The following CHRNA7 variants were observed in gnomAD, a reference collection of about 807,000 sequenced individuals.
CHRNA7 encodes cholinergic receptor nicotinic alpha 7 subunit.
Under a neutral mutation model 48.0 loss-of-function variants are expected in CHRNA7, and 17 were observed. That is an observed-to-expected ratio of 0.35 (90% CI 0.24 to 0.53). CHRNA7 has a LOEUF of 0.53. CHRNA7 is among the 20% of genes least tolerant of loss of function. CHRNA7 has a pLI of 0.92. For missense variants in CHRNA7, 155 were observed against 577.7 expected (o/e 0.27, Z 7.50); for synonymous variants, 75 against 242.3 (o/e 0.31, Z 6.41).
chr15:32,076,274 G>A (rs1014969242), intron 2 of CHRNA7, among the ~76,000 whole-genome samples: 1 of 152,138 alleles, frequency 6.6e-6, no homozygotes, highest in African/African-American at 2.4e-5. Flanking sequence ...AACATCTCCA[G>A]CTATAATTGT....
At chr15:32,056,399 G>A (rs1038294844) in intron 2 of CHRNA7, among the ~76,000 whole-genome samples, 62 of 152,196 alleles carry the variant, frequency 4.1e-4, no homozygotes, top group African/African-American at 1.4e-3. Flanking sequence ...AAATTGGACT[G>A]GTGACTAATT....
intron 2 of CHRNA7, among the ~76,000 whole-genome samples, chr15:32,075,280 G>A (rs1482707778): frequency 6.6e-6 from 1 of 152,176 alleles, no homozygotes; most frequent in Non-Finnish European, 1.5e-5. Flanking sequence ...TGTAGAATTG[G>A]TGTTAAAATT....
upstream of CHRNA7, chr15:32,030,498 G>C: frequency 8.0e-7 from 1 of 1,242,426 alleles, no homozygotes; most frequent in South Asian, 2.3e-5. Context: ...AAAGGCGCGC[G>C]AGCCGAGCGG....
chr15:32,127,184 G>A (rs1024524993), intron 4 of CHRNA7, among the ~76,000 whole-genome samples: 3 of 152,148 alleles, frequency 2.0e-5, no homozygotes, highest in African/African-American at 7.2e-5. Flanking sequence ...CTGTGGTATG[G>A]ATGTGCCACA....
At chr15:32,106,865 T>C (rs2050678233) in intron 3 of CHRNA7, among the ~76,000 whole-genome samples, 1 of 152,208 alleles carries the variant, frequency 6.6e-6, no homozygotes, top group South Asian at 2.1e-4. Flanking sequence ...GCTGTTATTT[T>C]TTCTAAAATA....
At chr15:32,078,020 G>A (rs994606314) in intron 2 of CHRNA7, among the ~76,000 whole-genome samples, 4 of 152,126 alleles carry the variant, frequency 2.6e-5, no homozygotes, top group African/African-American at 7.2e-5. Context: ...AGATTTGGAG[G>A]GATCAGACAA....
chr15:32,116,678 G>A (rs1035438582), intron 4 of CHRNA7, among the ~76,000 whole-genome samples: 1 of 152,178 alleles, frequency 6.6e-6, no homozygotes, highest in Non-Finnish European at 1.5e-5. Context: ...CCGCAACTCT[G>A]CGGATGCCCC....
chr15:32,037,996 T>C (rs1268177312), intron 2 of CHRNA7, among the ~76,000 whole-genome samples: 1 of 150,480 alleles, frequency 6.6e-6, no homozygotes, highest in Non-Finnish European at 1.5e-5. Context: ...CTAATCTTAG[T>C]GGGAAAGCTT....
At chr15:32,051,641 G>T (rs2049683194) in intron 2 of CHRNA7, among the ~76,000 whole-genome samples, 1 of 152,144 alleles carries the variant, frequency 6.6e-6, no homozygotes, top group Non-Finnish European at 1.5e-5. Context: ...GCTGGTGCAT[G>T]GTGCGCTGCA....
At chr15:32,138,360 CA>C (rs530858927) in intron 4 of CHRNA7, among the ~76,000 whole-genome samples, 6 of 151,936 alleles carry the variant, frequency 3.9e-5, no homozygotes, top group Non-Finnish European at 7.4e-5. Flanking sequence ...AATAGACTAG[CA>C]AAAAAACAGA....
intron 2 of CHRNA7, among the ~76,000 whole-genome samples, chr15:32,075,698 T>A (rs1300356630): frequency 3.9e-5 from 6 of 152,042 alleles, no homozygotes; most frequent in Admixed American, 3.9e-4. Flanking sequence ...ATCATTGATT[T>A]CTGCTCTTAC....
intron 2 of CHRNA7, among the ~76,000 whole-genome samples, chr15:32,057,476 T>C (rs2049805771): frequency 6.6e-6 from 1 of 152,198 alleles, no homozygotes; most frequent in Non-Finnish European, 1.5e-5. Flanking sequence ...GTAATGAACA[T>C]TTTGGTGTGT....
intron 4 of CHRNA7, among the ~76,000 whole-genome samples, chr15:32,132,639 G>C (rs1222054636): frequency 6.6e-6 from 1 of 152,126 alleles, no homozygotes; most frequent in Non-Finnish European, 1.5e-5. Flanking sequence ...TTCTCATTGT[G>C]TCCTTACATG....
intron 4 of CHRNA7, among the ~76,000 whole-genome samples, chr15:32,138,368 CAG>C (rs2141332275): frequency 6.6e-6 from 1 of 152,102 alleles, no homozygotes; most frequent in Non-Finnish European, 1.5e-5. Context: ...AGCAAAAAAA[CAG>C]ACTTTGTTTT....
At chr15:32,083,871 G>A (rs189960293) in intron 2 of CHRNA7, among the ~76,000 whole-genome samples, 86 of 152,254 alleles carry the variant, frequency 5.6e-4, no homozygotes, top group African/African-American at 2.0e-3. Flanking sequence ...TGGTGTAGTG[G>A]CCTCATGTCA....
chr15:32,095,738 A>G (rs182116245), intron 2 of CHRNA7, among the ~76,000 whole-genome samples: 2 of 152,318 alleles, frequency 1.3e-5, no homozygotes, highest in Admixed American at 1.3e-4. Flanking sequence ...GTCCTCTGAA[A>G]GCATTTCAGA....
chr15:32,090,415 CTG>C (rs934648287), intron 2 of CHRNA7, among the ~76,000 whole-genome samples: 10 of 152,200 alleles, frequency 6.6e-5, no homozygotes, highest in Non-Finnish European at 1.5e-4. Flanking sequence ...CTCAGCAAGA[CTG>C]TGGCTGTCTG....
intron 2 of CHRNA7, among the ~76,000 whole-genome samples, chr15:32,093,405 C>T (rs2050414177): frequency 6.6e-6 from 1 of 152,142 alleles, no homozygotes; most frequent in East Asian, 1.9e-4. Context: ...TTCCTCCCTC[C>T]CTGAGAAGGA....
chr15:32,123,089 C>G (rs928145643), intron 4 of CHRNA7, among the ~76,000 whole-genome samples: 1 of 151,986 alleles, frequency 6.6e-6, no homozygotes, highest in African/African-American at 2.4e-5. Context: ...TGAGAAGAAA[C>G]CAAGAAAGAG....
Sources: gnomAD v4.1 joint callset for allele counts (sites outside exome capture counted in the v4.1 genomes callset) on GRCh38, gnomAD v4.1.1 for gene constraint, MANE v1.5 for transcripts, NCBI Gene and HGNC (gene_info 2026-07-23, HGNC 2026-07-21) for gene names.